Variants in HS3ST5 observed in about 807,000 individuals in gnomAD.
HS3ST5 encodes the protein heparan sulfate-glucosamine 3-sulfotransferase 5, also known as heparan sulfate glucosamine 3-O-sulfotransferase 5.
Under a neutral mutation model 25.4 loss-of-function variants are expected in HS3ST5, and 10 were observed. The observed-to-expected ratio is 0.39, with a 90% CI of 0.24 to 0.67. HS3ST5 has a LOEUF of 0.67. HS3ST5 is among the 30% of genes least tolerant of loss of function. The pLI, the probability that HS3ST5 is intolerant of heterozygous loss-of-function variation, is 0.44. For synonymous variants in HS3ST5, 170 were observed against 162.4 expected (o/e 1.05, Z -0.36); for missense variants, 324 against 420.7 (o/e 0.77, Z 2.01).
At chr6:114,329,712 T>C (rs964405144) in intron 1 of HS3ST5, among the ~76,000 whole-genome samples, 2 of 152,192 alleles carry the variant, frequency 1.3e-5, no homozygotes, top group African/African-American at 4.8e-5. Context: ...GAAAGACTTA[T>C]CACACCCTCA....
intron 2 of HS3ST5, among the ~76,000 whole-genome samples, chr6:114,207,780 A>G (rs1185363386): frequency 6.6e-6 from 1 of 152,216 alleles, no homozygotes; most frequent in East Asian, 1.9e-4. Context: ...TACTATCTAT[A>G]GTACTATTAT....
intron 2 of HS3ST5, among the ~76,000 whole-genome samples, chr6:114,170,008 C>G (rs1198603247): frequency 6.6e-6 from 1 of 152,142 alleles, no homozygotes; most frequent in Non-Finnish European, 1.5e-5. Context: ...AACACACAAT[C>G]TTCAAAGCTG....
chr6:114,270,863 T>C (rs1172087884), intron 1 of HS3ST5, among the ~76,000 whole-genome samples: 2 of 151,940 alleles, frequency 1.3e-5, no homozygotes, highest in Non-Finnish European at 2.9e-5. Flanking sequence ...TTACCAAAAA[T>C]GGGTGGTGCA....
intron 1 of HS3ST5, among the ~76,000 whole-genome samples, chr6:114,302,340 T>C (rs1775112648): frequency 6.6e-6 from 1 of 152,254 alleles, no homozygotes. Context: ...CACTAGAATA[T>C]GGCAGTAGAC....
intron 3 of HS3ST5, among the ~76,000 whole-genome samples, chr6:114,086,124 A>G (rs1026300836): frequency 6.6e-6 from 1 of 152,166 alleles, no homozygotes. Flanking sequence ...GGAATTGTAC[A>G]TGGCTCCCAT....
rs144621872 is a variant in HS3ST5 at position 114,194,293 on chromosome 6, G to A, written c.-144-25831C>T. ...AATATTAAATAATTATGATCACTTC[G>A]TAAATAAAAATAAAATTCTAAGCCC... is the stretch of plus-strand genomic sequence containing the variant. On this transcript the variant is annotated intron_variant, in intron 2 of 4. Transcript: ENST00000312719. Among the ~76,000 whole-genome samples the A allele has an allele frequency of 3.0e-3, 452 of 152,162 alleles. 2 individuals carry two copies. Among genetic ancestry groups the A allele is most frequent in the African/African-American group, 0.01 (435 of 41,524 alleles).
intron 1 of HS3ST5, among the ~76,000 whole-genome samples, chr6:114,258,223 C>T (rs1773018813): frequency 6.6e-6 from 1 of 152,090 alleles, no homozygotes; most frequent in African/African-American, 2.4e-5. Flanking sequence ...CCACATATGC[C>T]CTCCTCTGGA....
At chr6:114,175,227 G>T (rs1205469829) in intron 2 of HS3ST5, among the ~76,000 whole-genome samples, 1 of 152,144 alleles carries the variant, frequency 6.6e-6, no homozygotes, top group African/African-American at 2.4e-5. Context: ...AGGGGATGTT[G>T]TGACTGGAAA....
intron 3 of HS3ST5, among the ~76,000 whole-genome samples, chr6:114,165,439 C>T (rs947363375): frequency 3.9e-5 from 6 of 152,124 alleles, no homozygotes; most frequent in African/African-American, 7.2e-5. Context: ...TCTTCCCCAT[C>T]GCCTGCCAGG....
In HS3ST5 at chr6:114,262,774, A is replaced by C. The variant is rs188821914; in HGVS notation, c.-338-33996T>G. 9.2e-4 allele frequency among the ~76,000 whole-genome samples: 140 copies of C among 152,328 alleles called. 2 individuals carry two copies. Among genetic ancestry groups the C allele is most frequent in the African/African-American group, 3.2e-3 (132 of 41,590 alleles). ...TTAAAAACTCAATTATTTGGAATGC[A>C]TGGGAGACTATGAACTATGAAATTT... is the stretch of plus-strand genomic sequence containing the variant. On this transcript the variant is annotated intron_variant, in intron 1 of 4. Coordinates refer to ENST00000312719, the MANE Select transcript of HS3ST5 (RefSeq NM_153612.4).
intron 3 of HS3ST5, among the ~76,000 whole-genome samples, chr6:114,077,189 C>T (rs887732124): frequency 6.6e-6 from 1 of 152,118 alleles, no homozygotes; most frequent in Non-Finnish European, 1.5e-5. Flanking sequence ...GGAGGATACT[C>T]ATTTTGCATT....
intron 1 of HS3ST5, among the ~76,000 whole-genome samples, chr6:114,332,363 A>C (rs2114920345): frequency 6.6e-6 from 1 of 152,216 alleles, no homozygotes; most frequent in Admixed American, 6.5e-5. Flanking sequence ...GTTTCGTTGA[A>C]AGTTGGGTTG....
rs1773214401 is a variant in HS3ST5, at chr6:114,062,854, A to G, written c.-9T>C. 6.2e-7 allele frequency: 1 copy of G among 1,610,116 alleles called. No homozygotes were observed. The highest frequency in any genetic ancestry group is 1.1e-5 in the South Asian group (1 of 90,994). Reference sequence around the variant, plus strand: ...TGCTGTTTGAATAGCATGGCCCTCCATCAACCTTCAGGACTGCTGCAGCCT... The same window carrying G: ...TGCTGTTTGAATAGCATGGCCCTCCGTCAACCTTCAGGACTGCTGCAGCCT... On this transcript the variant is annotated 5_prime_UTR_variant, in exon 4 of 5. It removes an upstream start codon present in the reference 5' UTR. Transcript: ENST00000312719.
rs1459173324 is a variant in HS3ST5 at position 114,084,344 on chromosome 6, A to C, written c.-32-21467T>G. ...GCAATCTCAGGCTGAGTAGCAGTGA[A>C]CTCAGGAGCTGAATCAGTCCATTCA... On this transcript the variant is annotated intron_variant, in intron 3 of 4. Coordinates refer to ENST00000312719, the MANE Select transcript of HS3ST5 (RefSeq NM_153612.4). 1.2e-5 allele frequency: 9 copies of C among 758,774 alleles called. No individual in the cohort carries two copies. The East Asian group carries it at 1.2e-4, about 10-fold the overall frequency. The allele number at this position is 758,774 out of a possible 1,614,324, so 47.0% of individuals were successfully genotyped here.
chr6:114,165,543 A>G (rs781576344), intron 3 of HS3ST5, among the ~76,000 whole-genome samples: 6 of 152,182 alleles, frequency 3.9e-5, no homozygotes, highest in Admixed American at 2.6e-4. Context: ...AATCATTTCA[A>G]AGCTATTTCA....
At chr6:114,242,426 TG>T (rs1252096731) in intron 1 of HS3ST5, among the ~76,000 whole-genome samples, 1 of 152,206 alleles carries the variant, frequency 6.6e-6, no homozygotes, top group African/African-American at 2.4e-5. Flanking sequence ...AGTAAATGAA[TG>T]GATGGTACCT....
At chr6:114,142,433 T>A (rs1777954097) in intron 3 of HS3ST5, among the ~76,000 whole-genome samples, 1 of 152,120 alleles carries the variant, frequency 6.6e-6, no homozygotes, top group Non-Finnish European at 1.5e-5. Flanking sequence ...CTGAATACGG[T>A]CACGTGGCAG....
chr6:114,113,558 C>T (rs1029876684), intron 3 of HS3ST5, among the ~76,000 whole-genome samples: 2 of 151,884 alleles, frequency 1.3e-5, no homozygotes, highest in Middle Eastern at 3.4e-3. Flanking sequence ...TGTTTCAATT[C>T]GAGTGTCACC....
intron 1 of HS3ST5, among the ~76,000 whole-genome samples, chr6:114,259,434 A>G (rs1013959714): frequency 2.0e-5 from 3 of 152,232 alleles, no homozygotes. Flanking sequence ...CTGTAAATAC[A>G]TAACACAGGG....
Sources: gnomAD v4.1 joint callset for allele counts (sites outside exome capture counted in the v4.1 genomes callset) on GRCh38, gnomAD v4.1.1 for gene constraint, MANE v1.5 for transcripts, NCBI Gene and HGNC (gene_info 2026-07-23, HGNC 2026-07-21) for gene names.